Variants in PRKCH observed in about 807,000 individuals in gnomAD.
The protein encoded by PRKCH is protein kinase C eta.
PRKCH carries 28 observed loss-of-function variants against 82.5 expected under a neutral mutation model. The ratio of observed to expected loss-of-function variants is 0.34; its 90% CI spans 0.25 to 0.47. The LOEUF is 0.47. Ranked by LOEUF, PRKCH falls within the 20% of genes least tolerant of loss-of-function variation. The pLI is 1.00. For missense variants in PRKCH, 705 were observed against 881.8 expected (o/e 0.80, Z 2.54); for synonymous variants, 322 against 327.4 (o/e 0.98, Z 0.18).
intron 1 of PRKCH, among the ~76,000 whole-genome samples, chr14:61,190,942 A>G (rs997816776): frequency 6.6e-6 from 1 of 152,234 alleles, no homozygotes; most frequent in Non-Finnish European, 1.5e-5. Flanking sequence ...CCCACAATTT[A>G]GGGTGAAAAA....
chr14:61,419,095 A>G (rs1395039714), intron 2 of PRKCH, among the ~76,000 whole-genome samples: 1 of 152,160 alleles, frequency 6.6e-6, no homozygotes, highest in Non-Finnish European at 1.5e-5. Context: ...CCCTGTGTTT[A>G]ATAGAAATAA....
intron 10 of PRKCH, among the ~76,000 whole-genome samples, chr14:61,489,932 C>A (rs1341344910): frequency 6.6e-6 from 1 of 152,212 alleles, no homozygotes; most frequent in East Asian, 1.9e-4. Flanking sequence ...ATTTGATTGG[C>A]TGTTTTTGAC....
intron 1 of PRKCH, among the ~76,000 whole-genome samples, chr14:61,244,187 A>G (rs1302294415): frequency 6.6e-6 from 1 of 152,208 alleles, no homozygotes; most frequent in Non-Finnish European, 1.5e-5. Context: ...TTCATGTGCC[A>G]TGGAAATGCA....
chr14:61,469,433 CTG>C (rs1277581208), intron 9 of PRKCH, among the ~76,000 whole-genome samples: 3 of 152,200 alleles, frequency 2.0e-5, no homozygotes, highest in Non-Finnish European at 2.9e-5. Context: ...ACCTGATTGG[CTG>C]TGAGACTAAA....
At chr14:61,200,625 A>T (rs8020949) in intron 1 of PRKCH, among the ~76,000 whole-genome samples, 26 of 151,992 alleles carry the variant, frequency 1.7e-4, no homozygotes, top group Admixed American at 8.5e-4. Context: ...ACAGTAGTCA[A>T]TCCTTATCCA....
intron 1 of PRKCH, among the ~76,000 whole-genome samples, chr14:61,289,063 T>C (rs1419561978): frequency 1.3e-5 from 2 of 152,220 alleles, no homozygotes; most frequent in East Asian, 3.8e-4. Flanking sequence ...TCTTGGCTTC[T>C]ATGGCTTTTG....
intron 1 of PRKCH, among the ~76,000 whole-genome samples, chr14:61,229,410 G>A (rs1175482347): frequency 2.0e-5 from 3 of 152,152 alleles, no homozygotes; most frequent in Non-Finnish European, 4.4e-5. Context: ...TTCTGCCAAC[G>A]AGACCAAAGC....
chr14:61,411,830 G>C (rs898799080), intron 2 of PRKCH, among the ~76,000 whole-genome samples: 6 of 152,140 alleles, frequency 3.9e-5, no homozygotes, highest in African/African-American at 1.4e-4. Context: ...GCCTGAGTCT[G>C]GGGAAAGCAC....
intron 1 of PRKCH, among the ~76,000 whole-genome samples, chr14:61,200,401 GTGTGTGTGTT>G (rs957143310): frequency 9.2e-5 from 14 of 151,918 alleles, no homozygotes; most frequent in African/African-American, 3.4e-4. Flanking sequence ...GTGTGTGTGT[GTGTGTGTGTT>G]TGTGTGTTAC....
chr14:61,509,708 G>T (rs1473045340), intron 10 of PRKCH, among the ~76,000 whole-genome samples: 1 of 151,864 alleles, frequency 6.6e-6, no homozygotes, highest in African/African-American at 2.4e-5. Context: ...AACATGGTGA[G>T]ATTCTGTCTC....
chr14:61,507,601 G>A (rs1024402864), intron 10 of PRKCH, among the ~76,000 whole-genome samples: 2 of 152,064 alleles, frequency 1.3e-5, no homozygotes, highest in Non-Finnish European at 2.9e-5. Flanking sequence ...TAAAAAAGAA[G>A]GAAATCCTAT....
chr14:61,277,291 ATTGTT>A (rs2045212379), intron 1 of PRKCH: 1 of 152,198 alleles, frequency 6.6e-6, no homozygotes. Context: ...TTGTCATATT[ATTGTT>A]TTAATTTTTT....
intron 10 of PRKCH, among the ~76,000 whole-genome samples, chr14:61,496,551 C>T (rs1448817110): frequency 6.6e-6 from 1 of 152,186 alleles, no homozygotes; most frequent in Non-Finnish European, 1.5e-5. Context: ...TTCCTGGACT[C>T]CCCTACCCTC....
At chr14:61,359,757 T>C in intron 1 of PRKCH, among the ~76,000 whole-genome samples, 1 of 152,262 alleles carries the variant, frequency 6.6e-6, no homozygotes, top group East Asian at 1.9e-4. Flanking sequence ...ACTAGCCATA[T>C]GTGGCTATTT....
At chr14:61,312,281 C>T (rs575475398) in intron 1 of PRKCH, among the ~76,000 whole-genome samples, 23 of 152,220 alleles carry the variant, frequency 1.5e-4, no homozygotes, top group Admixed American at 2.0e-4. Context: ...GGATTACAGG[C>T]ATGTGCCACC....
chr14:61,489,104 A>G (rs959103648), intron 10 of PRKCH, among the ~76,000 whole-genome samples: 3 of 152,216 alleles, frequency 2.0e-5, no homozygotes, highest in African/African-American at 7.2e-5. Flanking sequence ...CACACACAGT[A>G]AAGGGCACAT....
intron 1 of PRKCH, among the ~76,000 whole-genome samples, chr14:61,326,570 A>C (rs892180529): frequency 6.6e-6 from 1 of 152,214 alleles, no homozygotes; most frequent in South Asian, 2.1e-4. Context: ...AAGTATGTGC[A>C]TGTTACTATA....
intron 9 of PRKCH, among the ~76,000 whole-genome samples, chr14:61,475,619 G>A (rs1885696932): frequency 6.6e-6 from 1 of 152,208 alleles, no homozygotes; most frequent in Admixed American, 6.5e-5. Context: ...CAAGCTAATT[G>A]TAGGACTTCA....
At chr14:61,471,832 G>T (rs553474112) in intron 9 of PRKCH, among the ~76,000 whole-genome samples, 28 of 152,120 alleles carry the variant, frequency 1.8e-4, no homozygotes, top group Admixed American at 9.8e-4. Context: ...TGGTTCCCAG[G>T]GGGGAAGAAT....
Sources: gnomAD v4.1 joint callset for allele counts (sites outside exome capture counted in the v4.1 genomes callset) on GRCh38, gnomAD v4.1.1 for gene constraint, MANE v1.5 for transcripts, NCBI Gene and HGNC (gene_info 2026-07-23, HGNC 2026-07-21) for gene names.